The following PIP5K1B variants were observed in gnomAD, a reference collection of about 807,000 sequenced individuals.
PIP5K1B encodes the protein phosphatidylinositol-4-phosphate 5-kinase type 1 beta.
Under a neutral mutation model 67.0 loss-of-function variants are expected in PIP5K1B, and 42 were observed. That is an observed-to-expected ratio of 0.63 (90% CI 0.49 to 0.81). The LOEUF is 0.81. Among genes scored for constraint, PIP5K1B ranks in the 30% least tolerant of loss-of-function variants. The probability of loss-of-function intolerance (pLI) is 0.00; values close to 1 mark genes in which losing one functional copy is unlikely to be tolerated. For missense variants in PIP5K1B, 459 were observed against 646.3 expected (o/e 0.71, Z 3.14); for synonymous variants, 214 against 231.4 (o/e 0.92, Z 0.68).
chr9:68,899,958 C>G (rs1376424026), intron 8 of PIP5K1B, among the ~76,000 whole-genome samples: 1 of 152,124 alleles, frequency 6.6e-6, no homozygotes, highest in Non-Finnish European at 1.5e-5. Flanking sequence ...CTGTCATTTT[C>G]TACTTTATGT....
chr9:68,744,835 T>G (rs576298658), intron 2 of PIP5K1B, among the ~76,000 whole-genome samples: 1 of 152,318 alleles, frequency 6.6e-6, no homozygotes, highest in African/African-American at 2.4e-5. Flanking sequence ...CTGCACTCTC[T>G]TCAGCCTAAT....
At chr9:68,959,856 A>T (rs1403958917) in intron 14 of PIP5K1B, among the ~76,000 whole-genome samples, 1 of 152,228 alleles carries the variant, frequency 6.6e-6, no homozygotes, top group African/African-American at 2.4e-5. Flanking sequence ...ATATTTCAGC[A>T]GAGTTACTCA....
intron 2 of PIP5K1B, among the ~76,000 whole-genome samples, chr9:68,807,566 G>C (rs1434643680): frequency 6.6e-6 from 1 of 152,176 alleles, no homozygotes; most frequent in Non-Finnish European, 1.5e-5. Context: ...GCATATAGGG[G>C]ATCTGTGTGG....
intron 4 of PIP5K1B, among the ~76,000 whole-genome samples, chr9:68,826,292 A>G (rs1262155659): frequency 6.6e-6 from 1 of 152,222 alleles, no homozygotes; most frequent in African/African-American, 2.4e-5. Context: ...GAAGGGAGTG[A>G]GAAAACGAGG....
At chr9:68,804,522 C>A (rs540216923) in intron 2 of PIP5K1B, among the ~76,000 whole-genome samples, 1 of 152,150 alleles carries the variant, frequency 6.6e-6, no homozygotes, top group South Asian at 2.1e-4. Context: ...TCTGTGCATT[C>A]CCATCCTGGC....
chr9:68,791,613 G>A (rs543230022), intron 2 of PIP5K1B, among the ~76,000 whole-genome samples: 2 of 152,222 alleles, frequency 1.3e-5, no homozygotes, highest in African/African-American at 2.4e-5. Context: ...AATTATAATT[G>A]TCAGGTTACT....
At chr9:68,894,233 C>A in intron 7 of PIP5K1B, 106 bp from the exon 8 acceptor site, 1 of 737,648 alleles carries the variant, frequency 1.4e-6, no homozygotes, top group Non-Finnish European at 2.2e-6. Context: ...AAGATAATCA[C>A]ATCCCATTTT....
At chr9:68,793,099 A>G (rs1832080223) in intron 2 of PIP5K1B, among the ~76,000 whole-genome samples, 1 of 151,972 alleles carries the variant, frequency 6.6e-6, no homozygotes, top group African/African-American at 2.4e-5. Flanking sequence ...GTGTATACAC[A>G]TATAGTGTAT....
At chr9:68,773,874 T>A (rs924843634) in intron 2 of PIP5K1B, among the ~76,000 whole-genome samples, 2 of 152,210 alleles carry the variant, frequency 1.3e-5, no homozygotes, top group African/African-American at 4.8e-5. Flanking sequence ...GTTTCTGAGA[T>A]AATCTATTAT....
chr9:68,886,455 A>G (rs182917906), intron 6 of PIP5K1B, among the ~76,000 whole-genome samples: 149 of 152,332 alleles, frequency 9.8e-4, no homozygotes, highest in Non-Finnish European at 5.9e-4. Context: ...AGTACCAACC[A>G]TGTATGTAGG....
intron 2 of PIP5K1B, among the ~76,000 whole-genome samples, chr9:68,759,750 G>A (rs756729207): frequency 4.0e-5 from 6 of 151,890 alleles, no homozygotes; most frequent in Non-Finnish European, 7.4e-5. Context: ...AAACTTAATA[G>A]AAAAAAATGT....
At chr9:68,712,771 T>C (rs1175868160) in intron 1 of PIP5K1B, among the ~76,000 whole-genome samples, 1 of 152,248 alleles carries the variant, frequency 6.6e-6, no homozygotes, top group Non-Finnish European at 1.5e-5. Flanking sequence ...ACACTGTCTC[T>C]ATTTAAAGAC....
intron 3 of PIP5K1B, among the ~76,000 whole-genome samples, chr9:68,822,131 G>A (rs1833758536): frequency 6.6e-6 from 1 of 152,112 alleles, no homozygotes; most frequent in South Asian, 2.1e-4. Flanking sequence ...ATTTTACAGT[G>A]AGCATGCATA....
At chr9:68,971,749 A>G (rs1010503929) in intron 14 of PIP5K1B, among the ~76,000 whole-genome samples, 1 of 152,190 alleles carries the variant, frequency 6.6e-6, no homozygotes, top group Non-Finnish European at 1.5e-5. Context: ...TGACGTGATG[A>G]TGAGCTTTTT....
At chr9:68,922,472 A>AAAAAAAAAAAAAAGAC (rs1826456405) in intron 11 of PIP5K1B, among the ~76,000 whole-genome samples, 1 of 152,028 alleles carries the variant, frequency 6.6e-6, no homozygotes, top group South Asian at 2.1e-4. Flanking sequence ...AAAAAAAAGA[A>AAAAAAAAAAAAAAGAC]ATTTCTCTAT....
chr9:68,729,372 CT>C (rs1828308802), intron 1 of PIP5K1B, among the ~76,000 whole-genome samples: 1 of 151,924 alleles, frequency 6.6e-6, no homozygotes, highest in East Asian at 1.9e-4. Context: ...TTTCTGTTAC[CT>C]AGGGCAAAGC....
chr9:68,888,320 G>T (rs1327010853), intron 6 of PIP5K1B, among the ~76,000 whole-genome samples: 1 of 152,176 alleles, frequency 6.6e-6, no homozygotes, highest in Non-Finnish European at 1.5e-5. Flanking sequence ...CTAGCCCAGA[G>T]CTGCATCTAC....
At chr9:68,837,051 G>A (rs750664532) in intron 4 of PIP5K1B, among the ~76,000 whole-genome samples, 1 of 152,210 alleles carries the variant, frequency 6.6e-6, no homozygotes, top group Non-Finnish European at 1.5e-5. Flanking sequence ...CAGCCTTAGC[G>A]AGGTCACTTG....
chr9:68,935,017 A>G lies in PIP5K1B; in HGVS notation c.1329A>G (p.Gly443=), dbSNP rs771786656. ...AGAAGCGGGATTTGCTGACTGAAGG[A>G]CAAAGTTTTAGCAGCCTTGATGAAG... ...KDEKRDLLTE[G]QSFSSLDEEA... The change falls in exon 13 of 16, where the codon GGA becomes GGG. Residue 443 remains glycine (G), a synonymous_variant. Coordinates refer to ENST00000265382, the MANE Select transcript of PIP5K1B (RefSeq NM_003558.4). 4 of 1,613,592 alleles carry G rather than the reference A, an allele frequency of 2.5e-6. No individual in the cohort carries two copies. Among genetic ancestry groups the G allele is most frequent in the African/African-American group, 1.3e-5 (1 of 74,926 alleles).
Sources: gnomAD v4.1 joint callset for allele counts (sites outside exome capture counted in the v4.1 genomes callset) on GRCh38, gnomAD v4.1.1 for gene constraint, MANE v1.5 for transcripts, NCBI Gene and HGNC (gene_info 2026-07-23, HGNC 2026-07-21) for gene names.